The following FBN1 variants were observed in gnomAD, a reference collection of about 807,000 sequenced individuals.
FBN1 encodes fibrillin 1.
FBN1 carries 29 observed loss-of-function variants against 365.1 expected under a neutral mutation model. The observed-to-expected ratio is 0.08, with a 90% CI of 0.06 to 0.11. The LOEUF is 0.11. Among genes scored for constraint, FBN1 ranks in the 10% least tolerant of loss-of-function variants. FBN1 has a pLI of 1.00. For synonymous variants in FBN1, 1,210 were observed against 1,270.5 expected (o/e 0.95, Z 1.01); for missense variants, 2,476 against 3,703.2 (o/e 0.67, Z 8.60).
chr15:48,492,992 T>G (rs1234080742), intron 23 of FBN1, among the ~76,000 whole-genome samples: 3 of 152,302 alleles, frequency 2.0e-5, no homozygotes, highest in African/African-American at 7.2e-5. Context: ...AGCTTGAAGT[T>G]CAGCATAGAA....
At chr15:48,524,759 C>T (rs2043893832) in intron 9 of FBN1, among the ~76,000 whole-genome samples, 1 of 152,154 alleles carries the variant, frequency 6.6e-6, no homozygotes, top group African/African-American at 2.4e-5. Context: ...CTCTCTCAAT[C>T]TCAGCTGCTT....
intron 6 of FBN1, among the ~76,000 whole-genome samples, chr15:48,585,397 T>C (rs2044427978): frequency 6.6e-6 from 1 of 152,240 alleles, no homozygotes. Flanking sequence ...GCAGGAAAGT[T>C]GGAGAACATT....
Position 48,474,643 on chromosome 15 carries a change from A to G in FBN1, c.3972T>C (p.Asn1324=), listed in dbSNP as rs2043405375. The G allele has an allele frequency of 4.3e-6, 7 of 1,614,132 alleles. No homozygotes were observed. Among genetic ancestry groups the G allele is most frequent in the Non-Finnish European group, 5.9e-6 (7 of 1,180,002 alleles). The stretch of plus-strand genomic sequence containing the variant: ...AGTTGTGTGCTCCAATTTCACATTC[A>G]TTGATGTCTGGAAAAATGAGCAGTG... ...KKGKTGCTDI[N]ECEIGAHNCG... Residue 1324 remains asparagine, a synonymous_variant, in exon 33 of 66, where the codon AAT becomes AAC. Coordinates refer to ENST00000316623, the MANE Select transcript of FBN1 (RefSeq NM_000138.5).
chr15:48,496,059 G>T (rs746655883), intron 20 of FBN1, 41 bp downstream of exon 20: 1 of 1,612,378 alleles, frequency 6.2e-7, no homozygotes, highest in Non-Finnish European at 8.5e-7. Context: ...CATTCCAAAA[G>T]ATAGCAAAGT....
intron 23 of FBN1, 24 bp from the exon 24 acceptor site, chr15:48,492,610 A>G (rs764553347): frequency 6.8e-7 from 1 of 1,471,502 alleles, no homozygotes; most frequent in East Asian, 2.4e-5. Context: ...AAAAGTATAA[A>G]GTTAATATAT....
At chr15:48,638,312 C>T (rs1597648672) in intron 2 of FBN1, among the ~76,000 whole-genome samples, 1 of 152,020 alleles carries the variant, frequency 6.6e-6, no homozygotes, top group South Asian at 2.1e-4. Flanking sequence ...TTCCACATAG[C>T]AATGGTGGGA....
intron 6 of FBN1, among the ~76,000 whole-genome samples, chr15:48,540,501 T>C (rs970878830): frequency 6.6e-6 from 1 of 152,182 alleles, no homozygotes; most frequent in Non-Finnish European, 1.5e-5. Context: ...TAATTTTCCA[T>C]CAAGTTATAA....
At position 48,412,587 on chromosome 15, in the gene FBN1, A is replaced by G. The variant is rs2042872033; in HGVS notation, c.8208T>C (p.Thr2736=). The change falls in exon 65 of 66, where the codon ACT becomes ACC. Residue 2736 remains threonine (T), a synonymous_variant. Coordinates refer to ENST00000316623, the MANE Select transcript of FBN1 (RefSeq NM_000138.5). ...RGRKRRSTNE[T]DASNIEDQSE... is the part of the protein sequence containing the mutation. ...GACCCACCTCGATATTGGAGGCATC[A>G]GTTTCGTTTGTGCTTCTCCGTTTCC... 2 of 1,614,096 alleles carry G rather than the reference A, an allele frequency of 1.2e-6. No individual in the cohort carries two copies. Among genetic ancestry groups the G allele is most frequent in the Non-Finnish European group, 1.7e-6 (2 of 1,179,966 alleles).
intron 2 of FBN1, among the ~76,000 whole-genome samples, chr15:48,632,165 C>G (rs1443549361): frequency 6.6e-6 from 1 of 152,184 alleles, no homozygotes; most frequent in Non-Finnish European, 1.5e-5. Flanking sequence ...CAGATCTCCA[C>G]AGATATAGTA....
Position 48,613,029 on chromosome 15 carries a change from G to T in FBN1, c.228C>A (p.Gly76=), listed in dbSNP as rs141651917. 1.2e-6 allele frequency: 2 copies of T among 1,612,938 alleles called. No homozygotes were observed. The highest frequency in any genetic ancestry group is 1.1e-5 in the South Asian group (1 of 91,062). ...ACTTACGGACAATACACTGATTTCC[G>T]CCAGGTAAGGTTTTCCATCCAGGGC... ...YCCPGWKTLP[G]GNQCIVPICR... is the part of the protein sequence containing the mutation. The change falls in exon 3 of 66, where the codon GGC becomes GGA. Residue 76 remains glycine (G), a synonymous_variant. Coordinates refer to ENST00000316623, the MANE Select transcript of FBN1 (RefSeq NM_000138.5).
At position 48,412,623 on chromosome 15, in the gene FBN1, G is replaced by A. The variant is rs1375300222; in HGVS notation, c.8172C>T (p.Pro2724=). 1 of 1,614,228 alleles carries A rather than the reference G, an allele frequency of 6.2e-7. No homozygotes were observed. The highest frequency in any genetic ancestry group is 1.1e-5 in the South Asian group (1 of 91,082). ...ACYECKINGY[P]KRGRKRRSTN... is the part of the protein sequence containing the mutation. ...TGCTTCTCCGTTTCCTGCCCCGTTT[G>A]GGGTAGCCATTGATCTTACACTCGT... The change falls in exon 65 of 66, where the codon CCC becomes CCT. Residue 2724 remains proline, a synonymous_variant. Transcript: ENST00000316623.
intron 18 of FBN1, among the ~76,000 whole-genome samples, chr15:48,498,372 C>G (rs1421620311): frequency 1.3e-5 from 2 of 152,098 alleles, no homozygotes; most frequent in Non-Finnish European, 2.9e-5. Context: ...TTCAGATCTC[C>G]CTGAATCAAA....
intron 48 of FBN1, 58 bp from the exon 49 acceptor site, chr15:48,444,718 CAATT>C: frequency 3.1e-6 from 5 of 1,595,854 alleles, no homozygotes; most frequent in East Asian, 2.2e-5. Flanking sequence ...TTCCATCAAA[CAATT>C]AAAATTCAAA....
At chr15:48,495,440 A>T in intron 21 of FBN1, 29 bp downstream of exon 21, 1 of 1,611,492 alleles carries the variant, frequency 6.2e-7, no homozygotes, top group Non-Finnish European at 8.5e-7. Flanking sequence ...TGATAAACAT[A>T]GAAAAATCAT....
At chr15:48,469,612 C>T (rs1176080359) in intron 36 of FBN1, among the ~76,000 whole-genome samples, 1 of 152,012 alleles carries the variant, frequency 6.6e-6, no homozygotes, top group Non-Finnish European at 1.5e-5. Flanking sequence ...CTTGGTCCTC[C>T]CCTTGGATCT....
chr15:48,419,113 T>C (rs2042921437), intron 63 of FBN1, among the ~76,000 whole-genome samples: 1 of 152,180 alleles, frequency 6.6e-6, no homozygotes, highest in Non-Finnish European at 1.5e-5. Flanking sequence ...CCCACGGCAA[T>C]GCTCATTCTA....
chr15:48,551,615 C>T (rs2044142733), intron 6 of FBN1, among the ~76,000 whole-genome samples: 1 of 151,838 alleles, frequency 6.6e-6, no homozygotes, highest in Admixed American at 6.6e-5. Flanking sequence ...TATTTCATCA[C>T]CCAAGTATTA....
At chr15:48,526,934 G>A (rs1431009877) in intron 8 of FBN1, among the ~76,000 whole-genome samples, 1 of 152,200 alleles carries the variant, frequency 6.6e-6, no homozygotes, top group Non-Finnish European at 1.5e-5. Flanking sequence ...GAGTCGCAGA[G>A]AGCCACCTCG....
intron 6 of FBN1, among the ~76,000 whole-genome samples, chr15:48,590,331 C>T (rs184094775): frequency 1.7e-4 from 26 of 152,226 alleles, no homozygotes; most frequent in Non-Finnish European, 2.9e-4. Flanking sequence ...TTTTTCGAAG[C>T]AGGTGTTTCC....
Sources: gnomAD v4.1 joint callset for allele counts (sites outside exome capture counted in the v4.1 genomes callset) on GRCh38, gnomAD v4.1.1 for gene constraint, MANE v1.5 for transcripts, NCBI Gene and HGNC (gene_info 2026-07-23, HGNC 2026-07-21) for gene names.